MRC2: variants seen among roughly 807,000 people sequenced by gnomAD.
MRC2 encodes the protein mannose receptor C-type 2.
A neutral mutation model predicts 206.2 loss-of-function variants in MRC2; 84 were observed. That is an observed-to-expected ratio of 0.41 (90% confidence interval 0.34 to 0.49). The LOEUF (loss-of-function observed/expected upper bound fraction) is 0.49, where lower values mean the gene tolerates loss of function less well. Among genes scored for constraint, MRC2 ranks in the 20% least tolerant of loss-of-function variants. The pLI is 0.31. For missense variants in MRC2, 1,676 were observed against 2,001.5 expected (o/e 0.84, Z 3.10); for synonymous variants, 798 against 800.0 (o/e 1.00, Z 0.04).
At chr17:62,682,442 G>C (rs868089548) in intron 20 of MRC2, 65 bp downstream of exon 20, 2 of 1,521,150 alleles carry the variant, frequency 1.3e-6, no homozygotes, top group Middle Eastern at 3.5e-4. Context: ...GAAAGGCTGA[G>C]CCTCAGGAGT....
intron 1 of MRC2, among the ~76,000 whole-genome samples, 190 bp downstream of exon 1, chr17:62,628,110 G>A (rs2084184541): frequency 1.3e-5 from 2 of 152,082 alleles, no homozygotes; most frequent in Non-Finnish European, 2.9e-5. Flanking sequence ...GAGGAGGAGC[G>A]CGCCTAGAGG....
rs900639478 is a variant in MRC2 at position 62,677,251 on chromosome 17, C to T, written c.1835-18C>T. 1.9e-6 allele frequency: 3 copies of T among 1,560,736 alleles called. No homozygotes were observed. Among genetic ancestry groups the T allele is most frequent in the Non-Finnish European group, 2.6e-6 (3 of 1,148,592 alleles). Reference sequence around the variant, plus strand: ...TGAATCCTTCTCAGAGCCTGGGTCTCCCTTCCCTCTCCTTCAGGGTACAGC... The same window carrying T: ...TGAATCCTTCTCAGAGCCTGGGTCTTCCTTCCCTCTCCTTCAGGGTACAGC... On this transcript the variant is annotated intron_variant, in intron 11 of 29. Coordinates refer to ENST00000303375, the MANE Select transcript of MRC2 (RefSeq NM_006039.5).
rs2088753685 is a variant in MRC2, at chr17:62,666,293, C to T, written c.694+26C>T. On this transcript the variant is annotated intron_variant, in intron 3 of 29. Coordinates refer to ENST00000303375, the MANE Select transcript of MRC2 (RefSeq NM_006039.5). This position sits in a 1 kb window ranked among gnomAD's most constrained non-coding sequence, Gnocchi z 5.0. ...GTGAGAGCTGTTGGAGCCGTGGGGG[C>T]GGGGGCAGTGTTCCTGGAGGGAGGC... The T allele has an allele frequency of 1.9e-6, 3 of 1,556,138 alleles. No homozygotes were observed. The highest frequency in any genetic ancestry group is 1.9e-5 in the Admixed American group (1 of 52,198).
At chr17:62,660,648 C>A (rs369146644) in intron 1 of MRC2, among the ~76,000 whole-genome samples, 18 of 152,246 alleles carry the variant, frequency 1.2e-4, no homozygotes, top group African/African-American at 4.1e-4. Flanking sequence ...AGCTTAAAAC[C>A]AAACCTCCAC....
chr17:62,642,167 TCTTTAATCTC>T (rs917017817), intron 1 of MRC2, among the ~76,000 whole-genome samples: 2 of 152,222 alleles, frequency 1.3e-5, no homozygotes, highest in Non-Finnish European at 2.9e-5. Flanking sequence ...GTGTCATGTC[TCTTTAATCTC>T]CTTTAATCTA....
intron 18 of MRC2, chr17:62,681,469 C>T (rs1388026498): frequency 1.1e-5 from 5 of 471,776 alleles, no homozygotes; most frequent in African/African-American, 2.0e-5. Context: ...TATGATGATC[C>T]GGGGGCCTCT....
chr17:62,645,646 ATC>A, intron 1 of MRC2, among the ~76,000 whole-genome samples: 1 of 146,142 alleles, frequency 6.8e-6, no homozygotes, highest in South Asian at 2.2e-4. Context: ...CAATCCTCCC[ATC>A]TCAGACTCCT....
chr17:62,671,865 G>C lies in MRC2; in HGVS notation c.1306+28G>C, dbSNP rs753662988. The C allele has an allele frequency of 6.3e-7, 1 of 1,586,712 alleles. No individual in the cohort carries two copies. The highest frequency in any genetic ancestry group is 8.6e-7 in the Non-Finnish European group (1 of 1,162,986). On this transcript the variant is annotated intron_variant, in intron 7 of 29. Transcript: ENST00000303375. The surrounding 1 kb of genome is among the most constrained non-coding windows in gnomAD (Gnocchi z 4.5). Reference sequence around the variant, plus strand: ...GAGGAGCTGCCCGCCCACGTGTCTGGGTGGAGGGCAGGGCCTCCCACTGCC... The same window carrying C: ...GAGGAGCTGCCCGCCCACGTGTCTGCGTGGAGGGCAGGGCCTCCCACTGCC...
chr17:62,678,764 C>G (rs2088925475), intron 13 of MRC2, 118 bp downstream of exon 13: 4 of 1,425,792 alleles, frequency 2.8e-6, no homozygotes, highest in Admixed American at 2.4e-5. Context: ...GTGGGTGACC[C>G]CAGGGAGGCC....
Position 62,680,243 on chromosome 17 carries a change from C to A in MRC2, c.2372C>A (p.Ala791Asp). The A allele has an allele frequency of 6.8e-6, 11 of 1,614,096 alleles. No homozygotes were observed. The highest frequency in any genetic ancestry group is 9.3e-6 in the Non-Finnish European group (11 of 1,179,992). ...DIRGCAVLDLASLQWVAMQCD... is the reference protein window; with the variant it reads ...DIRGCAVLDLDSLQWVAMQCD... ...CGAGGCTGTGCGGTGCTGGACCTGG[C>A]CTCCCTGCAGTGGGTGGCCATGCAG... is the stretch of plus-strand genomic sequence containing the variant. Residue 791 changes from alanine (A) to aspartate (D), a missense_variant, in exon 15 of 30, where the codon GCC becomes GAC. Ala to Asp is a moderately radical substitution (Grantham distance 126). This residue lies in a region of MRC2 where 1,354 missense variants were observed against 1,636.6 expected (regional missense o/e 0.83). Coordinates refer to ENST00000303375, the MANE Select transcript of MRC2 (RefSeq NM_006039.5). This position sits in a 1 kb window ranked among gnomAD's most constrained non-coding sequence, Gnocchi z 4.8.
rs771980281 is a variant in MRC2, at chr17:62,690,310, G to A, written c.3892+5G>A. On this transcript the variant is annotated splice_donor_5th_base_variant and intron_variant, in intron 26 of 29. Coordinates refer to ENST00000303375, the MANE Select transcript of MRC2 (RefSeq NM_006039.5). ...CGCGACAGCGCTGCCAGAGAGGTGG[G>A]TGACCAGGCCAGAGCCCACACATGG... 1.2e-6 allele frequency: 2 copies of A among 1,608,300 alleles called. No individual in the cohort carries two copies. The highest frequency in any genetic ancestry group is 3.4e-5 in the Admixed American group (2 of 59,554).
At chr17:62,657,658 G>T (rs1387195448) in intron 1 of MRC2, among the ~76,000 whole-genome samples, 1 of 136,742 alleles carries the variant, frequency 7.3e-6, no homozygotes, top group African/African-American at 2.6e-5. Context: ...GGCTGGAGGG[G>T]CCCTCTCTGG....
intron 1 of MRC2, among the ~76,000 whole-genome samples, chr17:62,662,920 C>CA (rs201366001): frequency 1.7e-4 from 26 of 151,642 alleles, no homozygotes; most frequent in Middle Eastern, 3.4e-3. Context: ...AAAAAAGAAA[C>CA]AAAAAAAAGA....
rs1032115629 is a variant in MRC2 at position 62,680,519 on chromosome 17, C to T, written c.2473+66C>T. 3 of 1,591,760 alleles carry T rather than the reference C, an allele frequency of 1.9e-6. No individual in the cohort carries two copies. Among genetic ancestry groups the T allele is most frequent in the African/African-American group, 2.7e-5 (2 of 74,598 alleles). On this transcript the variant is annotated intron_variant, in intron 16 of 29. Transcript: ENST00000303375. This position sits in a 1 kb window ranked among gnomAD's most constrained non-coding sequence, Gnocchi z 4.8. ...AGAGGGCGTCAACTCTGGGGTAAGTCCCGAGAGGCCTGAATGAAATGGAGG... is the reference window on the plus strand; with the variant it reads ...AGAGGGCGTCAACTCTGGGGTAAGTTCCGAGAGGCCTGAATGAAATGGAGG...
chr17:62,635,199 T>C (rs1373072976), intron 1 of MRC2, among the ~76,000 whole-genome samples: 3 of 149,746 alleles, frequency 2.0e-5, no homozygotes, highest in Non-Finnish European at 4.4e-5. Context: ...CTCTTTTTTT[T>C]TTTTTTTTTT....
In MRC2 at chr17:62,690,709, C is replaced by A; in HGVS notation, c.3960C>A (p.Ser1320Arg). 2 of 1,613,256 alleles carry A rather than the reference C, an allele frequency of 1.2e-6. No homozygotes were observed. Among genetic ancestry groups the A allele is most frequent in the Non-Finnish European group, 1.7e-6 (2 of 1,179,654 alleles). The change falls in exon 27 of 30, where the codon AGC becomes AGA. Residue 1320 changes from serine to arginine, a missense_variant. This residue lies in a region of MRC2 where 1,354 missense variants were observed against 1,636.6 expected (regional missense o/e 0.83). Coordinates refer to ENST00000303375, the MANE Select transcript of MRC2 (RefSeq NM_006039.5). Reference sequence around the variant, plus strand: ...TGTTTGTCTGGGAGCACCTGCAGAGCTATGAGGGCCAGAGTCGGGGCGCCT... The same window carrying A: ...TGTTTGTCTGGGAGCACCTGCAGAGATATGAGGGCCAGAGTCGGGGCGCCT... ...ENVFVWEHLQ[S>R]YEGQSRGAWL...
At chr17:62,663,626 C>T (rs1041145238) in intron 1 of MRC2, among the ~76,000 whole-genome samples, 6 of 152,040 alleles carry the variant, frequency 3.9e-5, no homozygotes, top group African/African-American at 1.4e-4. Flanking sequence ...AGGGTGCCTG[C>T]TCAGCGAGGA....
chr17:62,689,039 G>A, intron 23 of MRC2, 79 bp downstream of exon 23: 1 of 1,154,222 alleles, frequency 8.7e-7, no homozygotes, highest in Non-Finnish European at 1.3e-6. Context: ...CCAGGAGGAA[G>A]GAATCATGGT....
At chr17:62,631,073 C>T (rs1243318090) in intron 1 of MRC2, among the ~76,000 whole-genome samples, 9 of 152,082 alleles carry the variant, frequency 5.9e-5, no homozygotes, top group Middle Eastern at 3.2e-3. Context: ...ATTTTTCGCA[C>T]CAGAGAAATC....
Sources: gnomAD v4.1 joint callset for allele counts (sites outside exome capture counted in the v4.1 genomes callset) on GRCh38, gnomAD v4.1.1 for gene constraint, gnomAD v4.1.1 regional missense constraint, Gnocchi (gnomAD v3.1) non-coding constraint, MANE v1.5 for transcripts, NCBI Gene and HGNC (gene_info 2026-07-23, HGNC 2026-07-21) for gene names.